Variants in RHOBTB1 observed in about 807,000 individuals in gnomAD.
RHOBTB1 encodes rho-related BTB domain-containing protein 1.
Under a neutral mutation model 71.6 loss-of-function variants are expected in RHOBTB1, and 40 were observed. The observed-to-expected ratio is 0.56, with a 90% confidence interval of 0.43 to 0.73. RHOBTB1 has a LOEUF of 0.73. RHOBTB1 is among the 30% of genes least tolerant of loss of function. RHOBTB1 has a pLI of 0.00. For synonymous variants in RHOBTB1, 319 were observed against 334.9 expected (o/e 0.95, Z 0.52); for missense variants, 797 against 894.0 (o/e 0.89, Z 1.38).
intron 7 of RHOBTB1, among the ~76,000 whole-genome samples, chr10:60,882,789 C>T (rs529021902): frequency 1.3e-5 from 2 of 152,274 alleles, no homozygotes; most frequent in Non-Finnish European, 2.9e-5. Context: ...TTGTACTTTC[C>T]TAGTTCAGAA....
chr10:60,895,527 C>T (rs552998715), intron 4 of RHOBTB1, among the ~76,000 whole-genome samples: 1 of 152,322 alleles, frequency 6.6e-6, no homozygotes, highest in South Asian at 2.1e-4. Flanking sequence ...GATTCAGCCT[C>T]CTGAGTAGCT....
At chr10:60,885,824 C>T (rs776676893) in intron 7 of RHOBTB1, among the ~76,000 whole-genome samples, 6 of 152,232 alleles carry the variant, frequency 3.9e-5, no homozygotes, top group Non-Finnish European at 5.9e-5. Flanking sequence ...TGGATGAGGA[C>T]GGCTCTGAGG....
chr10:60,989,505 T>C (rs2134931962), intron 1 of RHOBTB1, among the ~76,000 whole-genome samples: 1 of 152,350 alleles, frequency 6.6e-6, no homozygotes, highest in East Asian at 1.9e-4. Flanking sequence ...CTCTCTCCAG[T>C]TGCCCGCTAA....
Position 60,892,822 on chromosome 10 carries a change from C to A in RHOBTB1, c.470G>T (p.Arg157Leu), listed in dbSNP as rs755927978. ...ADLEAVNRAR[R>L]PLARPIKRGD... ...TCCCTTGGCTTACCTTGCTAACGGG[C>A]GCCTGGCTCGATTAACAGCTTCCAG... Residue 157 changes from arginine to leucine, a missense_variant, in exon 5 of 11, where the codon CGC (arginine) becomes CTC (leucine). Coordinates refer to ENST00000337910, the MANE Select transcript of RHOBTB1 (RefSeq NM_014836.5). 3.7e-6 allele frequency: 6 copies of A among 1,612,392 alleles called. No homozygotes were observed. Among genetic ancestry groups the A allele is most frequent in the Non-Finnish European group, 5.1e-6 (6 of 1,179,338 alleles).
chr10:60,960,757 A>G (rs1282347947), intron 2 of RHOBTB1, among the ~76,000 whole-genome samples: 8 of 152,224 alleles, frequency 5.3e-5, no homozygotes, highest in Non-Finnish European at 8.8e-5. Flanking sequence ...AGCTACCCCT[A>G]ATGGCCTGCA....
chr10:60,908,030 G>A lies in RHOBTB1; in HGVS notation c.296+2857C>T, dbSNP rs551198231. The stretch of plus-strand genomic sequence containing the variant: ...CACACAGTAGGCTTTTGAAAAATTG[G>A]AGCTTTTATTCTAATTGGCAAAAGA... On this transcript the variant is annotated intron_variant, in intron 4 of 10. Coordinates refer to ENST00000337910, the MANE Select transcript of RHOBTB1 (RefSeq NM_014836.5). Among the ~76,000 whole-genome samples the A allele has an allele frequency of 3.3e-5, 5 of 152,270 alleles. No homozygotes were observed. The East Asian group carries it at 5.8e-4, about 18-fold the overall frequency.
At chr10:60,899,054 G>A (rs571748551) in intron 4 of RHOBTB1, among the ~76,000 whole-genome samples, 45 of 152,278 alleles carry the variant, frequency 3.0e-4, no homozygotes, top group Middle Eastern at 3.4e-3. Context: ...TGCCAAAGAA[G>A]GTTGTGGGTT....
rs751902137 is a variant in RHOBTB1 at position 60,872,272 on chromosome 10, A to G, written c.1834T>C (p.Leu612=). Residue 612 remains leucine, a synonymous_variant, in exon 10 of 11, where the codon TTG becomes CTG. Transcript: ENST00000337910. The stretch of plus-strand genomic sequence containing the variant: ...ATGTGGTGCAAACACCAGGCGGCCA[A>G]CTGGTGGGCATTGTGAAACTGCAGA... ...ELAQFHNAHQ[L]AAWCLHHICT... The G allele has an allele frequency of 1.9e-6, 3 of 1,613,922 alleles. No homozygotes were observed. Among genetic ancestry groups the G allele is most frequent in the Non-Finnish European group, 2.5e-6 (3 of 1,179,762 alleles).
At chr10:60,986,427 AT>A (rs1210109057) in intron 1 of RHOBTB1, among the ~76,000 whole-genome samples, 38 of 145,044 alleles carry the variant, frequency 2.6e-4, no homozygotes, top group Middle Eastern at 3.6e-3. Flanking sequence ...ATATATATAT[AT>A]ATAAAATATA....
chr10:60,901,915 G>A (rs908427354), intron 4 of RHOBTB1, among the ~76,000 whole-genome samples: 2 of 152,212 alleles, frequency 1.3e-5, no homozygotes, highest in African/African-American at 2.4e-5. Flanking sequence ...TTTCTGGGCT[G>A]AGCCACAAAG....
Position 60,888,678 on chromosome 10 carries a change from C to T in RHOBTB1, c.990G>A (p.Glu330=), listed in dbSNP as rs1176710369. 6.2e-7 allele frequency: 1 copy of T among 1,614,106 alleles called. No homozygotes were observed. Among genetic ancestry groups the T allele is most frequent in the African/African-American group, 1.3e-5 (1 of 74,944 alleles). Residue 330 remains glutamate, a synonymous_variant, in exon 6 of 11, where the codon GAG becomes GAA. Transcript: ENST00000337910. ...FQGRILSVDP[E]EEREEGPPRI... ...TAGGCGGGCCCTCCTCCCTTTCTTC[C>T]TCTGGGTCGACACTCAATATCCGCC... is the stretch of plus-strand genomic sequence containing the variant.
At chr10:60,978,566 C>T (rs565724006) in intron 2 of RHOBTB1, among the ~76,000 whole-genome samples, 1 of 152,232 alleles carries the variant, frequency 6.6e-6, no homozygotes, top group South Asian at 2.1e-4. Flanking sequence ...TAAACCCGTG[C>T]TGGGACAGTA....
At chr10:60,994,919 A>AAAAACAAAACAAAAC (rs148124919) in intron 1 of RHOBTB1, among the ~76,000 whole-genome samples, 15 of 151,924 alleles carry the variant, frequency 9.9e-5, no homozygotes, top group Middle Eastern at 3.4e-3. Flanking sequence ...AGATAAGTAA[A>AAAAACAAAACAAAAC]AAAACAAAAC....
chr10:60,887,634 A>C (rs1458256951), intron 6 of RHOBTB1, among the ~76,000 whole-genome samples: 1 of 152,202 alleles, frequency 6.6e-6, no homozygotes, highest in East Asian at 1.9e-4. Context: ...GAGCATGAGG[A>C]CGGAAAAGGA....
chr10:60,878,655 G>A (rs12259264), intron 7 of RHOBTB1, among the ~76,000 whole-genome samples: 36,277 of 152,220 alleles, frequency 0.24, 4,713 homozygotes, highest in African/African-American at 0.35. Flanking sequence ...CAGTAGATTC[G>A]GAGAATCCAA....
At chr10:60,862,490 G>T in the RHOBTB1 span, among the ~76,000 whole-genome samples, 1 of 130,502 alleles carries the variant, frequency 7.7e-6, no homozygotes, top group Non-Finnish European at 1.6e-5. Context: ...GAGCCACCAT[G>T]CTCAGCCTTT....
intron 4 of RHOBTB1, among the ~76,000 whole-genome samples, chr10:60,894,797 A>T (rs1018963426): frequency 6.6e-6 from 1 of 152,242 alleles, no homozygotes; most frequent in Non-Finnish European, 1.5e-5. Flanking sequence ...TGTATAAAAT[A>T]GTTCTAATTG....
intron 2 of RHOBTB1, among the ~76,000 whole-genome samples, chr10:60,933,592 T>C (rs543832169): frequency 2.0e-5 from 3 of 151,748 alleles, no homozygotes; most frequent in Non-Finnish European, 2.9e-5. Context: ...TGGTGGCACG[T>C]GCCTGTAGTC....
At chr10:60,861,024 T>G in the RHOBTB1 span, among the ~76,000 whole-genome samples, 2 of 152,272 alleles carry the variant, frequency 1.3e-5, no homozygotes, top group South Asian at 4.1e-4. Flanking sequence ...AGATCAAGCC[T>G]TTGGCAAGGC....
Sources: allele counts gnomAD v4.1 joint callset (sites outside exome capture counted in the v4.1 genomes callset), GRCh38; gene constraint gnomAD v4.1.1; transcripts MANE v1.5; gene names NCBI Gene and HGNC (gene_info 2026-07-23, HGNC 2026-07-21).